Variants in NF1 observed in about 807,000 individuals in gnomAD.
NF1 encodes the protein neurofibromin.
A neutral mutation model predicts 325.7 loss-of-function variants in NF1; 122 were observed. That is an observed-to-expected ratio of 0.37 (90% CI 0.32 to 0.44). The LOEUF is 0.44. Among genes scored for constraint, NF1 ranks in the 20% least tolerant of loss-of-function variants. The pLI, the probability that NF1 is intolerant of heterozygous loss-of-function variation, is 1.00. For synonymous variants in NF1, 1,091 were observed against 1,186.0 expected (o/e 0.92, Z 1.65); for missense variants, 2,140 against 3,415.4 (o/e 0.63, Z 9.31).
chr17:31,113,857 T>G (rs190239841), intron 1 of NF1, among the ~76,000 whole-genome samples: 3 of 152,346 alleles, frequency 2.0e-5, no homozygotes, highest in Non-Finnish European at 4.4e-5. Context: ...AGCTCTTGCC[T>G]AAAAAGATGA....
At chr17:31,258,596 A>T (rs1430636454) in intron 32 of NF1, 94 bp downstream of exon 32, 8 of 1,293,414 alleles carry the variant, frequency 6.2e-6, no homozygotes, top group Non-Finnish European at 8.7e-6. Context: ...TTATATTTGA[A>T]ATACCCTATG....
intron 36 of NF1, chr17:31,319,168 A>G (rs781211917): frequency 6.1e-5 from 51 of 838,244 alleles, no homozygotes; most frequent in Non-Finnish European, 8.8e-5. Flanking sequence ...TTCCTTCTCA[A>G]CTAAATTTCT....
chr17:31,279,497 T>C (rs1459511494), intron 36 of NF1, among the ~76,000 whole-genome samples: 1 of 152,020 alleles, frequency 6.6e-6, no homozygotes, highest in Non-Finnish European at 1.5e-5. Context: ...CAAGAAACTA[T>C]TTTGTAATCC....
chr17:31,183,341 AC>A (rs2066173010), intron 8 of NF1: 1 of 152,754 alleles, frequency 6.5e-6, no homozygotes, highest in African/African-American at 2.4e-5. Flanking sequence ...AGCTGGCTGA[AC>A]ATGAGATGGT....
chr17:31,190,283 A>C (rs1164679228), intron 8 of NF1, among the ~76,000 whole-genome samples: 1 of 151,920 alleles, frequency 6.6e-6, no homozygotes, highest in East Asian at 1.9e-4. Flanking sequence ...AAAAAAATAA[A>C]ATAGTATTCT....
At chr17:31,108,266 T>TG (rs1262625891) in intron 1 of NF1, among the ~76,000 whole-genome samples, 995 of 32,770 alleles carry the variant, frequency 0.03, 49 homozygotes, top group African/African-American at 0.044. Context: ...TAGAGAGTTT[T>TG]TTTTTTTTTT....
chr17:31,295,670 G>T (rs2151499379), intron 36 of NF1: 3 of 1,614,074 alleles, frequency 1.9e-6, no homozygotes, highest in African/African-American at 1.3e-5. Flanking sequence ...ATTGTAAAGG[G>T]TTATCTCTTG....
At chr17:31,125,532 AT>A (rs1485517209) in intron 1 of NF1, among the ~76,000 whole-genome samples, 1 of 151,832 alleles carries the variant, frequency 6.6e-6, no homozygotes, top group Admixed American at 6.6e-5. Context: ...ATTTTTAAAA[AT>A]TTTTAATTAA....
rs750085346 is a variant in NF1, at chr17:31,200,466, A to T, written c.933A>T (p.Gly311=). The T allele has an allele frequency of 6.2e-7, 1 of 1,614,142 alleles. No individual in the cohort carries two copies. Residue 311 remains glycine (G), a synonymous_variant, in exon 9 of 58, where the codon GGA becomes GGT. Transcript: ENST00000358273. ...DSLRKALAGH[G]GSRQLTESAA... ...TACGAAAAGCTCTTGCTGGCCATGG[A>T]GGAAGTAGGCAGCTGACAGAAAGTG... is the stretch of plus-strand genomic sequence containing the variant.
At chr17:31,248,851 G>A (rs1241228939) in intron 29 of NF1, 133 bp from the exon 30 acceptor site, 1 of 804,688 alleles carries the variant, frequency 1.2e-6, no homozygotes. Flanking sequence ...TTTATAGTTG[G>A]TTGTTTAAAG....
intron 11 of NF1, among the ~76,000 whole-genome samples, chr17:31,203,931 A>G (rs1487339744): frequency 6.6e-6 from 1 of 152,110 alleles, no homozygotes; most frequent in Non-Finnish European, 1.5e-5. Flanking sequence ...AAAATATTCT[A>G]GTGTTTCTTC....
intron 36 of NF1, among the ~76,000 whole-genome samples, chr17:31,281,855 G>T (rs980444914): frequency 1.3e-5 from 2 of 151,938 alleles, no homozygotes; most frequent in African/African-American, 4.8e-5. Context: ...CCAGGAGTTC[G>T]AGACCAGCCT....
chr17:31,102,035 G>C (rs1165348170), intron 1 of NF1, among the ~76,000 whole-genome samples: 1 of 152,172 alleles, frequency 6.6e-6, no homozygotes, highest in African/African-American at 2.4e-5. Flanking sequence ...AATAAAAAAA[G>C]TGGTACTTTT....
intron 5 of NF1, among the ~76,000 whole-genome samples, chr17:31,178,511 A>G (rs900117971): frequency 1.1e-4 from 16 of 152,202 alleles, no homozygotes; most frequent in Non-Finnish European, 2.4e-4. Context: ...CACACATAAC[A>G]CTATTAACCT....
chr17:31,243,184 C>CTCTGTGTGTGTGTGTGTGTGTGTGTG, intron 29 of NF1, among the ~76,000 whole-genome samples: 1 of 137,560 alleles, frequency 7.3e-6, no homozygotes, highest in Non-Finnish European at 1.5e-5. Context: ...CTCTCTCTGT[C>CTCTGTGTGTGTGTGTGTGTGTGTGTG]TGTGTGTGTG....
At chr17:31,183,668 CA>C (rs1005695060) in intron 8 of NF1, among the ~76,000 whole-genome samples, 1 of 151,968 alleles carries the variant, frequency 6.6e-6, no homozygotes, top group Non-Finnish European at 1.5e-5. Context: ...AAGTTGTTGC[CA>C]AAGGAGATTA....
In NF1 at chr17:31,307,772, G is replaced by A. The variant is rs547062550; in HGVS notation, c.4836-18048G>A. The A allele has an allele frequency of 2.8e-5, 17 of 606,602 alleles. No individual in the cohort carries two copies. The East Asian group carries it at 9.5e-4, about 34-fold the overall frequency. The allele number at this position is 606,602 out of a possible 1,614,324, so 37.6% of individuals were successfully genotyped here. A position where few individuals can be genotyped will look rare whatever the true frequency, so the allele number is the denominator to read the frequency against. On this transcript the variant is annotated intron_variant, in intron 36 of 57. Transcript: ENST00000358273. Reference sequence around the variant, plus strand: ...TAACATTAGGGAATAGAAAATCTTAGGGTGTTAGATATTGGTATACATGAT... The same window carrying A: ...TAACATTAGGGAATAGAAAATCTTAAGGTGTTAGATATTGGTATACATGAT...
intron 1 of NF1, among the ~76,000 whole-genome samples, chr17:31,148,380 C>T (rs370613523): frequency 1.0e-4 from 15 of 145,244 alleles, no homozygotes; most frequent in Middle Eastern, 3.6e-3. Flanking sequence ...CAAGATGTTC[C>T]GGGGTCATTA....
At chr17:31,235,166 A>G (rs2067178782) in intron 27 of NF1, among the ~76,000 whole-genome samples, 1 of 152,112 alleles carries the variant, frequency 6.6e-6, no homozygotes, top group Non-Finnish European at 1.5e-5. Context: ...TGCCTAGTAT[A>G]TATTCAGTAT....
Sources: allele counts gnomAD v4.1 joint callset (sites outside exome capture counted in the v4.1 genomes callset), GRCh38; gene constraint gnomAD v4.1.1; transcripts MANE v1.5; gene names NCBI Gene and HGNC (gene_info 2026-07-23, HGNC 2026-07-21).